WWP2: variants seen among roughly 807,000 people sequenced by gnomAD.
WWP2 encodes the protein NEDD4-like E3 ubiquitin-protein ligase WWP2.
WWP2 carries 57 observed loss-of-function variants against 121.0 expected under a neutral mutation model. That is an observed-to-expected ratio of 0.47 (90% confidence interval 0.38 to 0.59). WWP2 has a LOEUF of 0.59. WWP2 is among the 20% of genes least tolerant of loss of function. The pLI is 0.00. For missense variants in WWP2, 962 were observed against 1,158.9 expected, an observed-to-expected ratio of 0.83 and a Z score of 2.47; for synonymous variants, 449 against 441.3, an observed-to-expected ratio of 1.02 and a Z score of -0.22.
intron 2 of WWP2, 24 bp from the exon 3 acceptor site, chr16:69,798,658 A>C (rs1196810374): frequency 1.2e-6 from 2 of 1,609,378 alleles, no homozygotes; most frequent in Admixed American, 3.3e-5. Flanking sequence ...CTCATCTTTG[A>C]CTTTTTCTTT....
intron 2 of WWP2, among the ~76,000 whole-genome samples, chr16:69,791,001 A>G (rs1166495216): frequency 6.6e-6 from 1 of 152,066 alleles, no homozygotes; most frequent in Non-Finnish European, 1.5e-5. Context: ...TATTTTAATT[A>G]TATTTCTTGG....
chr16:69,937,199 G>A lies in WWP2; in HGVS notation c.2199G>A (p.Pro733=), dbSNP rs772951367. 2.4e-5 allele frequency: 38 copies of A among 1,613,774 alleles called. No individual in the cohort carries two copies. The highest frequency in any genetic ancestry group is 1.3e-4 in the Admixed American group (8 of 59,962). Residue 733 remains proline (P), a synonymous_variant, in exon 20 of 24, where the codon CCG becomes CCA. Transcript: ENST00000359154. This position sits in a 1 kb window ranked among gnomAD's most constrained non-coding sequence, Gnocchi z 6.6. ...TGGATGGCTTCAACGAGGTGGCCCC[G>A]CTGGAGTGGCTGCGCTACTTTGACG... ...AFLDGFNEVA[P]LEWLRYFDEK... is the part of the protein sequence containing the mutation.
chr16:69,907,854 C>T (rs939782566), intron 8 of WWP2, among the ~76,000 whole-genome samples: 2 of 152,246 alleles, frequency 1.3e-5, no homozygotes, highest in South Asian at 2.1e-4. Flanking sequence ...ACCCAGATCT[C>T]GTTTAAGATA....
chr16:69,871,706 A>G (rs2057639298), intron 6 of WWP2, 98 bp from the exon 7 acceptor site: 2 of 1,533,570 alleles, frequency 1.3e-6, no homozygotes, highest in South Asian at 2.5e-5. Flanking sequence ...TGTTTCCAAT[A>G]AATGGCAGGA....
intron 8 of WWP2, among the ~76,000 whole-genome samples, chr16:69,896,599 A>G (rs1320302519): frequency 6.6e-6 from 1 of 152,140 alleles, no homozygotes; most frequent in Non-Finnish European, 1.5e-5. Flanking sequence ...TTCTGATCTT[A>G]TTATAAAAGC....
Position 69,799,219 on chromosome 16 carries a change from C to T in WWP2, c.264C>T (p.Cys88=). 1 of 1,614,088 alleles carries T rather than the reference C, an allele frequency of 6.2e-7. No individual in the cohort carries two copies. The highest frequency in any genetic ancestry group is 8.5e-7 in the Non-Finnish European group (1 of 1,180,018). ...QSHLDLKVWS[C]HTLRNELLGT... is the part of the protein sequence containing the mutation. ...ATTTAGATTTAAAGGTCTGGAGCTG[C>T]CATACCTTGAGAAATGAACTGCTAG... Residue 88 remains cysteine (C), a synonymous_variant, in exon 4 of 24, where the codon TGC becomes TGT. Transcript: ENST00000359154. The surrounding 1 kb of genome is among the most constrained non-coding windows in gnomAD (Gnocchi z 4.5).
intron 4 of WWP2, among the ~76,000 whole-genome samples, chr16:69,833,453 G>A (rs1449560292): frequency 6.6e-6 from 1 of 152,196 alleles, no homozygotes; most frequent in Non-Finnish European, 1.5e-5. Context: ...GAGGCACATG[G>A]TGTCTGATTG....
intron 6 of WWP2, among the ~76,000 whole-genome samples, chr16:69,857,817 A>G (rs1230911498): frequency 2.0e-5 from 3 of 151,856 alleles, no homozygotes; most frequent in Non-Finnish European, 2.9e-5. Flanking sequence ...GTGCGCCACC[A>G]TGCCTGGCTA....
At chr16:69,800,123 C>T (rs2056130743) in intron 4 of WWP2, among the ~76,000 whole-genome samples, 1 of 152,178 alleles carries the variant, frequency 6.6e-6, no homozygotes, top group Non-Finnish European at 1.5e-5. Context: ...CTCTCCAAGC[C>T]TGTCCTTTTA....
In WWP2 at chr16:69,925,791, G is replaced by A. The variant is rs2058631354; in HGVS notation, c.1234+307G>A. On this transcript the variant is annotated intron_variant, in intron 11 of 23. Transcript: ENST00000359154. This position sits in a 1 kb window ranked among gnomAD's most constrained non-coding sequence, Gnocchi z 4.0. ...GGCTTTTGGTCTTGAGTTTCAAGGTGTCTACTCAAGAGTCCATGCTACCAC... is the reference window on the plus strand; with the variant it reads ...GGCTTTTGGTCTTGAGTTTCAAGGTATCTACTCAAGAGTCCATGCTACCAC... Among the ~76,000 whole-genome samples the A allele has an allele frequency of 6.6e-6, 1 of 152,194 alleles. No individual in the cohort carries two copies. Among genetic ancestry groups the A allele is most frequent in the Non-Finnish European group, 1.5e-5 (1 of 68,032 alleles).
Position 69,936,670 on chromosome 16 carries a change from C to G in WWP2, c.2117+218C>G, listed in dbSNP as rs2058803621. The G allele has an allele frequency of 6.4e-6, 4 of 624,038 alleles. No homozygotes were observed. In the Admixed American group the frequency reaches 9.0e-5, roughly 14 times the overall value. 38.7% of individuals were successfully genotyped at this position (624,038 alleles called of 1,614,324 possible). Reference sequence around the variant, plus strand: ...CCGACTCCCAGCTGTGCTTTTTCGCCATGTGGGAGACTTCAAGCCTGCAGC... The same window carrying G: ...CCGACTCCCAGCTGTGCTTTTTCGCGATGTGGGAGACTTCAAGCCTGCAGC... On this transcript the variant is annotated intron_variant, in intron 19 of 23. Transcript: ENST00000359154.
At chr16:69,795,328 C>A (rs2056011134) in intron 2 of WWP2, among the ~76,000 whole-genome samples, 1 of 151,806 alleles carries the variant, frequency 6.6e-6, no homozygotes, top group African/African-American at 2.4e-5. Flanking sequence ...TATCTATAAC[C>A]TTTGGTGTCC....
chr16:69,799,590 G>A lies in WWP2; in HGVS notation c.340+295G>A. Reference sequence around the variant, plus strand: ...CTCTGCTCCTCTTCCCGTTGCAGGAGATGTGTGATATGTTGAATGAAACTG... The same window carrying A: ...CTCTGCTCCTCTTCCCGTTGCAGGAAATGTGTGATATGTTGAATGAAACTG... On this transcript the variant is annotated intron_variant, in intron 4 of 23. Coordinates refer to ENST00000359154, the MANE Select transcript of WWP2 (RefSeq NM_001270454.2). This position sits in a 1 kb window ranked among gnomAD's most constrained non-coding sequence, Gnocchi z 4.5. 3.0e-6 allele frequency: 1 copy of A among 328,310 alleles called. No homozygotes were observed. Among genetic ancestry groups the A allele is most frequent in the Non-Finnish European group, 5.7e-6 (1 of 176,044 alleles). The allele number at this position is 328,310 out of a possible 1,614,324, so 20.3% of individuals were successfully genotyped here.
chr16:69,802,859 CCTTCCAA>C (rs943393312), intron 4 of WWP2, among the ~76,000 whole-genome samples: 12 of 152,068 alleles, frequency 7.9e-5, no homozygotes, highest in Non-Finnish European at 1.5e-4. Flanking sequence ...CCCACCTTGG[CCTTCCAA>C]AGTGCTGGGA....
At chr16:69,904,332 G>T (rs570924509) in intron 8 of WWP2, among the ~76,000 whole-genome samples, 1 of 151,870 alleles carries the variant, frequency 6.6e-6, no homozygotes, top group Non-Finnish European at 1.5e-5. Context: ...AATCAGAAGG[G>T]CATTCAGAGG....
rs555825031 is a variant in WWP2, at chr16:69,794,875, T to A, written c.71-3807T>A. On this transcript the variant is annotated intron_variant, in intron 2 of 23. Transcript: ENST00000359154. Reference sequence around the variant, plus strand: ...TTAAGGAGATAGTAGCCACAGGCAATTTGTATATATTGATTAGGTACTGAA... The same window carrying A: ...TTAAGGAGATAGTAGCCACAGGCAAATTGTATATATTGATTAGGTACTGAA... Among the ~76,000 whole-genome samples, 29 of 152,222 alleles carry A rather than the reference T, an allele frequency of 1.9e-4. 1 individual carries two copies. Among genetic ancestry groups the A allele is most frequent in the Middle Eastern group, 3.4e-3 (1 of 294 alleles).
chr16:69,770,520 CT>C (rs2055392132), intron 1 of WWP2, among the ~76,000 whole-genome samples: 1 of 152,254 alleles, frequency 6.6e-6, no homozygotes, highest in South Asian at 2.1e-4. Context: ...CATTTGTATC[CT>C]TCATAATATC....
chr16:69,813,833 G>A (rs1415237710), intron 4 of WWP2, among the ~76,000 whole-genome samples: 2 of 152,110 alleles, frequency 1.3e-5, no homozygotes, highest in African/African-American at 4.8e-5. Context: ...CTTCAAGCTT[G>A]CTGCTGTATC....
intron 7 of WWP2, among the ~76,000 whole-genome samples, chr16:69,875,598 CTTG>C (rs946114965): frequency 6.6e-6 from 1 of 152,228 alleles, no homozygotes; most frequent in Admixed American, 6.5e-5. Flanking sequence ...ATTCTAAATC[CTTG>C]TTGTCATTTC....
Sources: allele counts gnomAD v4.1 joint callset (sites outside exome capture counted in the v4.1 genomes callset), GRCh38; gene constraint gnomAD v4.1.1; non-coding constraint Gnocchi (gnomAD v3.1); transcripts MANE v1.5; gene names NCBI Gene and HGNC (gene_info 2026-07-23, HGNC 2026-07-21).